HOOK3: variants seen among roughly 807,000 people sequenced by gnomAD.
HOOK3 encodes protein Hook homolog 3.
Under a neutral mutation model 116.3 loss-of-function variants are expected in HOOK3, and 24 were observed. That is an observed-to-expected ratio of 0.21 (90% CI 0.15 to 0.29). The LOEUF is 0.29. Ranked by LOEUF, HOOK3 falls within the 10% of genes least tolerant of loss-of-function variation. HOOK3 has a pLI of 1.00. For synonymous variants in HOOK3, 275 were observed against 283.0 expected (o/e 0.97, Z 0.28); for missense variants, 632 against 830.2 (o/e 0.76, Z 2.93).
chr8:42,929,070 A>G (rs1807823689), intron 3 of HOOK3, among the ~76,000 whole-genome samples: 1 of 152,140 alleles, frequency 6.6e-6, no homozygotes. Flanking sequence ...ATAAATAAAG[A>G]TAAGATGTAG....
chr8:42,932,291 T>C (rs1247830525), intron 4 of HOOK3, among the ~76,000 whole-genome samples: 1 of 152,166 alleles, frequency 6.6e-6, no homozygotes, highest in African/African-American at 2.4e-5. Flanking sequence ...ATTTACTAGA[T>C]CTTTTGGGCT....
chr8:43,013,601 GA>G (rs1317288830), intron 21 of HOOK3, among the ~76,000 whole-genome samples: 2 of 152,128 alleles, frequency 1.3e-5, no homozygotes, highest in African/African-American at 4.8e-5. Flanking sequence ...AGAGCATTTT[GA>G]AAACATTATT....
chr8:42,930,265 A>G, intron 4 of HOOK3, 93 bp downstream of exon 4: 1 of 1,101,156 alleles, frequency 9.1e-7, no homozygotes, highest in Non-Finnish European at 1.2e-6. Flanking sequence ...TGCTTTCAAA[A>G]TTAATAATCA....
intron 2 of HOOK3, among the ~76,000 whole-genome samples, chr8:42,910,638 T>G (rs1320911819): frequency 1.3e-5 from 2 of 152,248 alleles, no homozygotes; most frequent in African/African-American, 2.4e-5. Context: ...CTGTGAGATT[T>G]ATCCATATTG....
chr8:42,949,252 C>T (rs563658744), intron 5 of HOOK3: 1 of 152,266 alleles, frequency 6.6e-6, no homozygotes, highest in East Asian at 1.9e-4. Flanking sequence ...TTTCTTATTG[C>T]AAAGGCAAGA....
intron 21 of HOOK3, among the ~76,000 whole-genome samples, chr8:43,014,878 C>G (rs567356812): frequency 1.8e-4 from 28 of 152,236 alleles, no homozygotes; most frequent in African/African-American, 6.3e-4. Context: ...GGTGCGGTGG[C>G]TAATGCCTGT....
In HOOK3 at chr8:42,897,141, G is replaced by A. The variant is rs1248182238; in HGVS notation, c.10G>A (p.Val4Ile). ...GGCCGCGGCGGGGAAGATGTTCAGC[G>A]TAGAGTCGCTGGAGCGGGCGGAGCT... MFSVESLERAELCE... is the reference protein window; with the variant it reads MFSIESLERAELCE... Residue 4 changes from valine (V) to isoleucine (I), a missense_variant, in exon 1 of 22, where the codon GTA becomes ATA. Val to Ile is a conservative substitution (Grantham distance 29). Transcript: ENST00000307602. The A allele has an allele frequency of 8.0e-7, 1 of 1,247,570 alleles. No individual in the cohort carries two copies. Among genetic ancestry groups the A allele is most frequent in the East Asian group, 3.1e-5 (1 of 31,878 alleles). 77.3% of individuals were successfully genotyped at this position (1,247,570 alleles called of 1,614,324 possible). A position where few individuals can be genotyped will look rare whatever the true frequency, so the allele number is the denominator to read the frequency against.
intron 4 of HOOK3, among the ~76,000 whole-genome samples, chr8:42,942,217 A>T (rs1247012226): frequency 6.6e-6 from 1 of 152,142 alleles, no homozygotes; most frequent in Non-Finnish European, 1.5e-5. Flanking sequence ...ATGCCATTGC[A>T]CTCCAGCCTG....
Position 42,959,310 on chromosome 8 carries a change from T to G in HOOK3, c.611T>G (p.Met204Arg). 1 of 1,606,518 alleles carries G rather than the reference T, an allele frequency of 6.2e-7. No homozygotes were observed. The highest frequency in any genetic ancestry group is 8.5e-7 in the Non-Finnish European group (1 of 1,173,246). The change falls in exon 8 of 22, where the codon ATG becomes AGG. Residue 204 changes from methionine (M) to arginine (R), a missense_variant. Coordinates refer to ENST00000307602, the MANE Select transcript of HOOK3 (RefSeq NM_032410.4). ...EIAQRCHELD[M>R]QVAALQEEKS... ...GCTCAAAGATGCCATGAACTGGATA[T>G]GCAGGTAAGAGATTTGTTCTGTGCA...
In HOOK3 at chr8:42,950,422, T is replaced by G; in HGVS notation, c.435T>G (p.Ser145=). 1.9e-6 allele frequency: 3 copies of G among 1,611,398 alleles called. No individual in the cohort carries two copies. The highest frequency in any genetic ancestry group is 2.5e-6 in the Non-Finnish European group (3 of 1,178,044). Residue 145 remains serine, a synonymous_variant, in exon 6 of 22, where the codon TCT becomes TCG. Transcript: ENST00000307602. ...YIQAIMMMEE[S]VQHVVMTAIQ... is the part of the protein sequence containing the mutation. ...AAGCCATTATGATGATGGAGGAATC[T>G]GTTCAACATGTTGTCATGACAGCCA...
chr8:42,973,359 G>C lies in HOOK3; in HGVS notation c.1193G>C (p.Arg398Pro). ...GATAAACTAGATTTTGAATATAAGCGGCTAAAAGAAAAAGTTGACAGTCTT... is the reference window on the plus strand; with the variant it reads ...GATAAACTAGATTTTGAATATAAGCCGCTAAAAGAAAAAGTTGACAGTCTT... The part of the protein sequence containing the change: ...KADKLDFEYK[R>P]LKEKVDSLQK... The change falls in exon 12 of 22, where the codon CGG becomes CCG. Residue 398 changes from arginine to proline, a missense_variant. By Grantham distance (103) the Arg-to-Pro change is moderately radical. Around this residue, in one of 3 missense-constraint regions of HOOK3, gnomAD observed 483 missense variants for 648.1 expected, o/e 0.75. Transcript: ENST00000307602. The C allele has an allele frequency of 6.2e-7, 1 of 1,612,568 alleles. No homozygotes were observed. The highest frequency in any genetic ancestry group is 2.2e-5 in the East Asian group (1 of 44,780).
intron 7 of HOOK3, among the ~76,000 whole-genome samples, chr8:42,958,596 GTTT>G (rs71550434): frequency 1.7e-4 from 18 of 106,348 alleles, no homozygotes; most frequent in African/African-American, 3.4e-4. Context: ...GTTTTTGATA[GTTT>G]TTTTTTTTTT....
At chr8:42,947,441 A>C (rs966616499) in intron 5 of HOOK3, among the ~76,000 whole-genome samples, 4 of 152,202 alleles carry the variant, frequency 2.6e-5, no homozygotes, top group Non-Finnish European at 5.9e-5. Context: ...AAAGACAAAG[A>C]TGTTACCTAT....
Position 42,943,350 on chromosome 8 carries a change from A to T in HOOK3, c.305A>T (p.Asp102Val). 1 of 1,553,144 alleles carries T rather than the reference A, an allele frequency of 6.4e-7. No homozygotes were observed. Among genetic ancestry groups the T allele is most frequent in the Non-Finnish European group, 8.7e-7 (1 of 1,147,816 alleles). ...GQQINDFTLP[D>V]VNLIGEHSDA... is the part of the protein sequence containing the mutation. ...CAAATTAATGACTTTACCCTTCCTG[A>T]TGTGAACCTTATTGGGGAGCATTCT... Residue 102 changes from aspartate (D) to valine (V), a missense_variant, in exon 5 of 22, where the codon GAT (aspartate) becomes GTT (valine). Physicochemically the swap from Asp to Val is radical, Grantham distance 152 (BLOSUM62 -3). This residue lies in a region of HOOK3 where 141 missense variants were observed against 150.8 expected (regional missense o/e 0.93). Transcript: ENST00000307602.
chr8:42,913,010 C>T (rs534611155), intron 2 of HOOK3, among the ~76,000 whole-genome samples: 3 of 152,238 alleles, frequency 2.0e-5, no homozygotes, highest in Admixed American at 6.5e-5. Context: ...ACCATGTAAC[C>T]TTTTCAGATT....
At chr8:42,901,234 T>TG (rs2130311488) in intron 1 of HOOK3, among the ~76,000 whole-genome samples, 1 of 152,222 alleles carries the variant, frequency 6.6e-6, no homozygotes, top group East Asian at 1.9e-4. Flanking sequence ...GGTTGGGTGG[T>TG]GGTAATAGAG....
At chr8:43,006,185 T>A (rs1409368392) in intron 17 of HOOK3, among the ~76,000 whole-genome samples, 2 of 150,496 alleles carry the variant, frequency 1.3e-5, no homozygotes, top group African/African-American at 2.5e-5. Context: ...CACGCCCAGC[T>A]AATTTTTTGT....
intron 6 of HOOK3, among the ~76,000 whole-genome samples, chr8:42,950,712 G>A (rs1409053183): frequency 1.3e-5 from 2 of 150,274 alleles, no homozygotes; most frequent in African/African-American, 2.5e-5. Flanking sequence ...TTGAGACGGA[G>A]TCTCACTCTG....
chr8:42,941,109 G>A (rs761803574), intron 4 of HOOK3, among the ~76,000 whole-genome samples: 2 of 151,720 alleles, frequency 1.3e-5, no homozygotes, highest in Non-Finnish European at 2.9e-5. Context: ...ACCACACCCA[G>A]CTAATTTTTG....
Sources: allele counts gnomAD v4.1 joint callset (sites outside exome capture counted in the v4.1 genomes callset), GRCh38; gene constraint gnomAD v4.1.1; regional missense constraint gnomAD v4.1.1; transcripts MANE v1.5; gene names NCBI Gene and HGNC (gene_info 2026-07-23, HGNC 2026-07-21).